KIAA0586: variants seen among roughly 807,000 people sequenced by gnomAD.
KIAA0586 encodes protein TALPID3.
Under a neutral mutation model 169.8 loss-of-function variants are expected in KIAA0586, and 144 were observed. That is an observed-to-expected ratio of 0.85 (90% CI 0.74 to 0.97). The LOEUF (loss-of-function observed/expected upper bound fraction) is 0.97. Among genes scored for constraint, KIAA0586 ranks in the 50% least tolerant of loss-of-function variants. The pLI is 0.00. For synonymous variants in KIAA0586, 625 were observed against 612.4 expected (o/e 1.02, Z -0.30); for missense variants, 1,854 against 1,823.0 (o/e 1.02, Z -0.31).
chr14:58,521,748 G>A, intron 29 of KIAA0586: 1 of 815,040 alleles, frequency 1.2e-6, no homozygotes. Flanking sequence ...GGGGAAACAA[G>A]CAGTAGAGAT....
chr14:58,487,890 A>G lies in KIAA0586; in HGVS notation c.3308A>G (p.Asp1103Gly). 1.2e-6 allele frequency: 2 copies of G among 1,609,352 alleles called. No individual in the cohort carries two copies. The highest frequency in any genetic ancestry group is 1.1e-5 in the South Asian group (1 of 90,324). The change falls in exon 23 of 31, where the codon GAT becomes GGT. Residue 1103 changes from aspartate to glycine, a missense_variant. Physicochemically the swap from Asp to Gly is moderately conservative, Grantham distance 94. Coordinates refer to ENST00000652326, the MANE Select transcript of KIAA0586 (RefSeq NM_001329943.3). ...PVKEICAEKG[D>G]DMPAIMLVNT... ...CCTTTTAAAAAAAAACCTTTAGGAG[A>G]TGATATGCCTGCCATCATGCTTGTT... is the stretch of plus-strand genomic sequence containing the variant.
intron 18 of KIAA0586, among the ~76,000 whole-genome samples, chr14:58,473,909 A>AG (rs2041413243): frequency 6.6e-6 from 1 of 152,066 alleles, no homozygotes; most frequent in African/African-American, 2.4e-5. Flanking sequence ...TCTGTCTTAA[A>AG]GAAAAAAAAA....
downstream of KIAA0586, among the ~76,000 whole-genome samples, chr14:58,553,373 C>T (rs371151550): frequency 2.0e-5 from 3 of 152,108 alleles, 1 homozygote. Flanking sequence ...GCTATGGTCT[C>T]TCATTCTTAA....
chr14:58,488,794 T>C lies in KIAA0586; in HGVS notation c.3701T>C (p.Val1234Ala). ...CTGGAGAGCACATTGAGTGTTACTG[T>C]CACTGAAACTGAAACTTTAGATAAA... ...STLESTLSVTVTETETLDKPI... is the reference protein window; with the variant it reads ...STLESTLSVTATETETLDKPI... Residue 1234 changes from valine (V) to alanine (A), a missense_variant, in exon 24 of 31, where the codon GTC becomes GCC. Val to Ala is a moderately conservative substitution (Grantham distance 64). Coordinates refer to ENST00000652326, the MANE Select transcript of KIAA0586 (RefSeq NM_001329943.3). The C allele has an allele frequency of 6.2e-7, 1 of 1,613,922 alleles. No homozygotes were observed.
chr14:58,510,392 CAG>C (rs1471912080), intron 28 of KIAA0586, among the ~76,000 whole-genome samples: 1 of 152,044 alleles, frequency 6.6e-6, no homozygotes, highest in African/African-American at 2.4e-5. Context: ...AGATTCTCAG[CAG>C]AGTTAGTCAT....
Position 58,467,936 on chromosome 14 carries a change from C to A in KIAA0586, c.2442+14C>A. On this transcript the variant is annotated intron_variant, in intron 16 of 30. Coordinates refer to ENST00000652326, the MANE Select transcript of KIAA0586 (RefSeq NM_001329943.3). ...CTTACTGTGCAGGTATGCCAGGGTG[C>A]ATGAGTAGAAAATTTTAAGGAAGAA... 1 of 1,547,724 alleles carries A rather than the reference C, an allele frequency of 6.5e-7. No individual in the cohort carries two copies. Among genetic ancestry groups the A allele is most frequent in the Non-Finnish European group, 8.7e-7 (1 of 1,150,250 alleles).
chr14:58,442,306 C>T (rs1175857937), intron 4 of KIAA0586, among the ~76,000 whole-genome samples: 3 of 152,090 alleles, frequency 2.0e-5, no homozygotes, highest in Admixed American at 1.3e-4. Context: ...GACGGGGTTT[C>T]GCCACGTTAG....
intron 29 of KIAA0586, chr14:58,521,417 C>T (rs72718748): frequency 0.019 from 15,643 of 806,636 alleles, 213 homozygotes; most frequent in Middle Eastern, 0.033. Flanking sequence ...ATGCCCGGGC[C>T]GCTGTAGGTG....
intron 27 of KIAA0586, among the ~76,000 whole-genome samples, chr14:58,500,942 A>G (rs2043526878): frequency 1.3e-5 from 2 of 152,214 alleles, no homozygotes. Flanking sequence ...TAAGTTTTTC[A>G]CCACTCTGTA....
In KIAA0586 at chr14:58,457,897, C is replaced by T. The variant is rs1474078162; in HGVS notation, c.1501C>T (p.Leu501Phe). Residue 501 changes from leucine to phenylalanine, a missense_variant, in exon 11 of 31, where the codon CTT (leucine) becomes TTT (phenylalanine). Coordinates refer to ENST00000652326, the MANE Select transcript of KIAA0586 (RefSeq NM_001329943.3). ...LRGVQNNKKV[L>F]EENLEAIIRA... The stretch of plus-strand genomic sequence containing the variant: ...AGGAGTACAAAACAATAAAAAAGTA[C>T]TTGAAGAAAACCTGGAAGCTATTAT... 34 of 1,606,758 alleles carry T rather than the reference C, an allele frequency of 2.1e-5. No individual in the cohort carries two copies. The highest frequency in any genetic ancestry group is 2.9e-5 in the Non-Finnish European group (34 of 1,176,244).
In KIAA0586 at chr14:58,428,415, A is replaced by G. The variant is rs2037040137; in HGVS notation, c.151A>G (p.Lys51Glu). ...PCVPPALSAN[K>E]RLPVGTGTSL... Reference sequence around the variant, plus strand: ...TGTTCCTCCGGCATTGTCTGCAAATAAACGTCTTCCTGTTGGAACGGGGAC... The same window carrying G: ...TGTTCCTCCGGCATTGTCTGCAAATGAACGTCTTCCTGTTGGAACGGGGAC... The change falls in exon 1 of 31, where the codon AAA becomes GAA. Residue 51 changes from lysine to glutamate, a missense_variant. Transcript: ENST00000652326. The G allele has an allele frequency of 6.2e-7, 1 of 1,613,986 alleles. No individual in the cohort carries two copies. Among genetic ancestry groups the G allele is most frequent in the East Asian group, 2.2e-5 (1 of 44,872 alleles).
chr14:58,496,331 G>T, intron 26 of KIAA0586, among the ~76,000 whole-genome samples: 1 of 152,150 alleles, frequency 6.6e-6, no homozygotes, highest in South Asian at 2.1e-4. Flanking sequence ...CTTCAGTAGG[G>T]TCATAGAGTA....
At chr14:58,469,664 T>C (rs1294807203) in intron 16 of KIAA0586, among the ~76,000 whole-genome samples, 1 of 152,112 alleles carries the variant, frequency 6.6e-6, no homozygotes, top group Non-Finnish European at 1.5e-5. Context: ...AAGATGCTAG[T>C]AAAGCATTAA....
chr14:58,466,235 T>G (rs1230591722), intron 15 of KIAA0586, among the ~76,000 whole-genome samples: 2 of 152,100 alleles, frequency 1.3e-5, no homozygotes, highest in Non-Finnish European at 2.9e-5. Flanking sequence ...TAAATTCTTA[T>G]CAGCAGTAGC....
intron 29 of KIAA0586, among the ~76,000 whole-genome samples, chr14:58,515,105 A>G (rs1418073228): frequency 6.6e-6 from 1 of 152,072 alleles, no homozygotes; most frequent in African/African-American, 2.4e-5. Context: ...AACATACTAT[A>G]TACTACTATC....
rs2036990071 is a variant in KIAA0586, at chr14:58,428,057, T to C, written c.-208T>C. 2 of 1,440,842 alleles carry C rather than the reference T, an allele frequency of 1.4e-6. No individual in the cohort carries two copies. Among genetic ancestry groups the C allele is most frequent in the African/African-American group, 1.4e-5 (1 of 69,728 alleles). 89.3% of individuals were successfully genotyped at this position (1,440,842 alleles called of 1,614,324 possible). On this transcript the variant is annotated 5_prime_UTR_variant, in exon 1 of 31. Transcript: ENST00000652326. ...TTCACATTTTGGCGTGGTGTATTAATAGACTGAGTGGGATTAATGGGTAAA... is the reference window on the plus strand; with the variant it reads ...TTCACATTTTGGCGTGGTGTATTAACAGACTGAGTGGGATTAATGGGTAAA...
intron 7 of KIAA0586, 148 bp downstream of exon 7, chr14:58,448,641 T>TC (rs1413647914): frequency 1.4e-5 from 7 of 490,882 alleles, no homozygotes; most frequent in Non-Finnish European, 2.1e-5. Flanking sequence ...AAACAATTTT[T>TC]TTAAATGTTC....
intron 14 of KIAA0586, among the ~76,000 whole-genome samples, chr14:58,461,642 G>A (rs147257484): frequency 2.0e-5 from 3 of 152,016 alleles, no homozygotes; most frequent in Non-Finnish European, 4.4e-5. Flanking sequence ...TCACCACATT[G>A]CCCACAGTGG....
At position 58,521,833 on chromosome 14, in the gene KIAA0586, C is replaced by A. The variant is rs113365173; in HGVS notation, c.4429+9206C>A. The A allele has an allele frequency of 9.1e-4, 794 of 874,556 alleles. 6 individuals carry two copies. In the African/African-American group the frequency reaches 0.011, roughly 12 times the overall value. The allele number at this position is 874,556 out of a possible 1,614,324, so 54.2% of individuals were successfully genotyped here. ...GATGAGACTAATGTGAAGGTGGAGT[C>A]GGAGCGGGGTGCAGATGACTTTGCT... On this transcript the variant is annotated intron_variant, in intron 29 of 30. Transcript: ENST00000652326.
Sources: allele counts gnomAD v4.1 joint callset (sites outside exome capture counted in the v4.1 genomes callset), GRCh38; gene constraint gnomAD v4.1.1; transcripts MANE v1.5; gene names NCBI Gene and HGNC (gene_info 2026-07-23, HGNC 2026-07-21).